RBM33: variants seen among roughly 807,000 people sequenced by gnomAD.
RBM33 encodes RNA binding motif protein 33.
Under a neutral mutation model 132.6 loss-of-function variants are expected in RBM33, and 28 were observed. The ratio of observed to expected loss-of-function variants is 0.21; its 90% CI spans 0.16 to 0.29. RBM33 has a LOEUF of 0.29. RBM33 is among the 10% of genes least tolerant of loss of function. The probability of loss-of-function intolerance (pLI) is 1.00; values close to 1 mark genes in which losing one functional copy is unlikely to be tolerated. For synonymous variants in RBM33, 634 were observed against 593.0 expected (o/e 1.07, Z -1.01); for missense variants, 1,291 against 1,518.5 (o/e 0.85, Z 2.49).
rs1563138405 is a variant in RBM33 at position 155,673,952 on chromosome 7, T to TG, written c.171+1037_171+1038insG. ...TAGTTTAGGCTTAGTTTTTTTTTTTTTTTTTTTTTTTTTTTTTTTTGAGAC... is the reference window on the plus strand; with the variant it reads ...TAGTTTAGGCTTAGTTTTTTTTTTTTGTTTTTTTTTTTTTTTTTTTTGAGAC... On this transcript the variant is annotated intron_variant, in intron 3 of 17. Transcript: ENST00000401878. Among the ~76,000 whole-genome samples, 39 of 116,048 alleles carry TG rather than the reference T, an allele frequency of 3.4e-4. 3 individuals are homozygous for TG. The highest frequency in any genetic ancestry group is 1.3e-3 in the African/African-American group (39 of 31,008). 76.1% of individuals were successfully genotyped at this position (116,048 alleles called of 152,430 possible).
intron 7 of RBM33, among the ~76,000 whole-genome samples, chr7:155,710,343 T>C (rs1248432395): frequency 1.3e-5 from 2 of 152,172 alleles, no homozygotes; most frequent in Non-Finnish European, 2.9e-5. Flanking sequence ...GGTCAGTAAA[T>C]AGGACCTAGT....
Position 155,741,895 on chromosome 7 carries a change from G to A in RBM33, c.2126G>A (p.Arg709His), listed in dbSNP as rs745480919. The change falls in exon 13 of 18, where the codon CGT (arginine) becomes CAT (histidine). Residue 709 changes from arginine (R) to histidine (H), a missense_variant. Arg to His is a conservative substitution (Grantham distance 29). This residue lies in a region of RBM33 where 841 missense variants were observed against 912.0 expected (regional missense o/e 0.92). Coordinates refer to ENST00000401878, the MANE Select transcript of RBM33 (RefSeq NM_053043.3). ...ACTGCGCCAAGGAACAGCAATTTGC[G>A]TGAATTACCCATAGCGCCGTCACAC... The part of the protein sequence containing the change: ...QPTAPRNSNL[R>H]ELPIAPSHVI... 5.0e-6 allele frequency: 8 copies of A among 1,613,896 alleles called. No homozygotes were observed. Among genetic ancestry groups the A allele is most frequent in the Non-Finnish European group, 5.1e-6 (6 of 1,179,896 alleles).
In RBM33 at chr7:155,684,043, G is replaced by GT. The variant is rs772888967; in HGVS notation, c.567+3141dup. Among the ~76,000 whole-genome samples the GT allele has an allele frequency of 2.7e-3, 411 of 152,250 alleles. 4 individuals carry two copies. The highest frequency in any genetic ancestry group is 0.014 in the Middle Eastern group (4 of 294). ...TTGTTATTCTGATAGGACGCTAACA[G>GT]TTTTTTCTGGAAAATAAAATGTGTT... On this transcript the variant is annotated intron_variant, in intron 5 of 17. Transcript: ENST00000401878.
intron 1 of RBM33, among the ~76,000 whole-genome samples, chr7:155,662,794 T>A (rs1798689552): frequency 6.6e-6 from 1 of 151,628 alleles, no homozygotes; most frequent in Non-Finnish European, 1.5e-5. Flanking sequence ...GAATTCAGCC[T>A]CAACAATGGG....
At chr7:155,717,418 G>T (rs1800494994) in intron 8 of RBM33, among the ~76,000 whole-genome samples, 1 of 151,904 alleles carries the variant, frequency 6.6e-6, no homozygotes, top group Non-Finnish European at 1.5e-5. Flanking sequence ...GGTTGGGTTA[G>T]GGCCTAGACC....
intron 9 of RBM33, among the ~76,000 whole-genome samples, chr7:155,721,400 G>A (rs888620137): frequency 2.6e-5 from 4 of 152,062 alleles, no homozygotes; most frequent in African/African-American, 9.7e-5. Context: ...ATGTAAAGGG[G>A]GGGTGTGCTT....
In RBM33 at chr7:155,745,526, C is replaced by G; in HGVS notation, c.2903C>G (p.Thr968Arg). The G allele has an allele frequency of 1.2e-6, 2 of 1,612,616 alleles. No homozygotes were observed. Among genetic ancestry groups the G allele is most frequent in the South Asian group, 2.2e-5 (2 of 90,656 alleles). The change falls in exon 14 of 18, where the codon ACG becomes AGG. Residue 968 changes from threonine (T) to arginine (R), a missense_variant. Around this residue, in one of 7 missense-constraint regions of RBM33, gnomAD observed 841 missense variants for 912.0 expected, o/e 0.92. Transcript: ENST00000401878. The surrounding 1 kb of genome is among the most constrained non-coding windows in gnomAD (Gnocchi z 4.1). ...AAGCCTGGCGTGAAAAGGACTGTCA[C>G]GCACAGGACAAACAGTGGTGGTGGA... The part of the protein sequence containing the change: ...DTKPGVKRTV[T>R]HRTNSGGGDG...
At chr7:155,706,421 G>T (rs1393075220) in intron 6 of RBM33, among the ~76,000 whole-genome samples, 1 of 152,108 alleles carries the variant, frequency 6.6e-6, no homozygotes, top group Non-Finnish European at 1.5e-5. Flanking sequence ...TTGAACCTGG[G>T]AGGTGGAGGT....
At chr7:155,667,245 T>C (rs760338698) in intron 2 of RBM33, among the ~76,000 whole-genome samples, 7 of 152,154 alleles carry the variant, frequency 4.6e-5, no homozygotes, top group Non-Finnish European at 8.8e-5. Flanking sequence ...TCCAGTTCTA[T>C]ATATGTGAGG....
intron 9 of RBM33, among the ~76,000 whole-genome samples, chr7:155,731,125 CAG>C (rs1299673309): frequency 6.6e-6 from 1 of 152,206 alleles, no homozygotes; most frequent in Non-Finnish European, 1.5e-5. Flanking sequence ...ACTCTCCGCT[CAG>C]AGTGGAGTGG....
chr7:155,685,015 A>T, intron 5 of RBM33: 1 of 1,550,382 alleles, frequency 6.5e-7, no homozygotes, highest in Non-Finnish European at 8.7e-7. Context: ...GAATTAGATG[A>T]GATTACTGAT....
In RBM33 at chr7:155,780,659, C is replaced by T. The variant is rs1802785971; in HGVS notation, c.*5618C>T. The T allele has an allele frequency of 6.5e-6, 1 of 152,672 alleles. No individual in the cohort carries two copies. The allele number at this position is 152,672 out of a possible 1,614,324, so 9.5% of individuals were successfully genotyped here. Reference sequence around the variant, plus strand: ...TCTCCCTGGCTTTCCATGCTCCTCTCCCTCCACCTCCTGGCTTCAACTGGG... The same window carrying T: ...TCTCCCTGGCTTTCCATGCTCCTCTTCCTCCACCTCCTGGCTTCAACTGGG... On this transcript the variant is annotated 3_prime_UTR_variant, in exon 18 of 18. Transcript: ENST00000401878.
intron 5 of RBM33, among the ~76,000 whole-genome samples, chr7:155,681,797 CA>C (rs1338442164): frequency 1.3e-5 from 2 of 151,548 alleles, no homozygotes; most frequent in Middle Eastern, 3.2e-3. Flanking sequence ...GCTTTTGTTT[CA>C]AAAAAATAGT....
intron 1 of RBM33, 26 bp downstream of exon 1, chr7:155,644,945 G>A (rs1171474926): frequency 2.0e-6 from 3 of 1,476,798 alleles, no homozygotes; most frequent in Non-Finnish European, 2.7e-6. Context: ...GGACTCTGGG[G>A]GCCAGGACCG....
intron 5 of RBM33, chr7:155,685,150 A>G: frequency 1.6e-6 from 2 of 1,227,694 alleles, no homozygotes; most frequent in Admixed American, 4.7e-5. Context: ...GTCGATACGT[A>G]TCTTTGAACT....
chr7:155,740,282 T>A (rs560509254), intron 12 of RBM33, among the ~76,000 whole-genome samples: 1 of 152,360 alleles, frequency 6.6e-6, no homozygotes, highest in Admixed American at 6.5e-5. Flanking sequence ...ATCTTTCTTG[T>A]ATCTAGATAT....
intron 6 of RBM33, among the ~76,000 whole-genome samples, chr7:155,703,760 T>C (rs1380452621): frequency 2.0e-5 from 3 of 152,178 alleles, no homozygotes; most frequent in Non-Finnish European, 4.4e-5. Context: ...TTTGGTAAAC[T>C]AGACATTTGA....
In RBM33 at chr7:155,737,626, C is replaced by A; in HGVS notation, c.1357C>A (p.Pro453Thr). The A allele has an allele frequency of 6.2e-7, 1 of 1,602,980 alleles. No individual in the cohort carries two copies. Among genetic ancestry groups the A allele is most frequent in the Non-Finnish European group, 8.5e-7 (1 of 1,175,790 alleles). ...LPLQDQWRAP[P>T]PPQDRDPFFL... ...TCTCCAGGACCAGTGGAGAGCCCCA[C>A]CCCCGCCTCAGGATCGAGACCCTTT... The change falls in exon 10 of 18, where the codon CCC becomes ACC. Residue 453 changes from proline to threonine, a missense_variant. Transcript: ENST00000401878.
intron 9 of RBM33, among the ~76,000 whole-genome samples, chr7:155,734,636 T>C (rs1801054387): frequency 6.6e-6 from 1 of 152,200 alleles, no homozygotes; most frequent in Non-Finnish European, 1.5e-5. Flanking sequence ...ATGCAAATTC[T>C]TCTAATGAAT....
Sources: allele counts gnomAD v4.1 joint callset (sites outside exome capture counted in the v4.1 genomes callset), GRCh38; gene constraint gnomAD v4.1.1; regional missense constraint gnomAD v4.1.1; non-coding constraint Gnocchi (gnomAD v3.1); transcripts MANE v1.5; gene names NCBI Gene and HGNC (gene_info 2026-07-23, HGNC 2026-07-21).